ANKRD29: variants seen among roughly 807,000 people sequenced by gnomAD.
ANKRD29 encodes the protein ankyrin repeat domain-containing protein 29.
In ANKRD29, 32 loss-of-function variants were observed where a neutral mutation model predicts 38.0. The observed-to-expected ratio is 0.84, with a 90% CI of 0.64 to 1.13. The LOEUF is 1.13. Ranked by LOEUF, ANKRD29 falls within the 50% of genes most tolerant of loss-of-function variation. ANKRD29 has a pLI of 0.00. For synonymous variants in ANKRD29, 135 were observed against 152.4 expected (o/e 0.89, Z 0.84); for missense variants, 357 against 377.9 (o/e 0.94, Z 0.46).
intron 8 of ANKRD29, 53 bp from the exon 9 acceptor site, chr18:23,612,243 C>G: frequency 2.0e-6 from 3 of 1,487,602 alleles, no homozygotes; most frequent in Non-Finnish European, 2.8e-6. Context: ...CATTGGCATT[C>G]AGCATGGCTT....
intron 7 of ANKRD29, chr18:23,618,464 C>T (rs1433516560): frequency 6.6e-6 from 1 of 152,242 alleles, no homozygotes; most frequent in Admixed American, 6.5e-5. Context: ...GCCTGTAGTC[C>T]CAGCTACTCG....
At chr18:23,617,887 C>T in intron 7 of ANKRD29, 60 bp from the exon 8 acceptor site, 1 of 1,436,154 alleles carries the variant, frequency 7.0e-7, no homozygotes, top group South Asian at 1.2e-5. Context: ...TGCTTGAAAG[C>T]AGTCAGTTGG....
chr18:23,634,188 C>G, intron 4 of ANKRD29, 39 bp from the exon 5 acceptor site: 1 of 1,544,132 alleles, frequency 6.5e-7, no homozygotes, highest in South Asian at 1.1e-5. Flanking sequence ...AGAGGTGGCG[C>G]AGGCACATAA....
At chr18:23,656,069 G>A (rs1437155473) in intron 1 of ANKRD29, among the ~76,000 whole-genome samples, 1 of 149,176 alleles carries the variant, frequency 6.7e-6, no homozygotes, top group Non-Finnish European at 1.5e-5. Context: ...CTCCAGCCTG[G>A]GCGACAGAGC....
chr18:23,655,709 C>T (rs1035304962), intron 1 of ANKRD29, among the ~76,000 whole-genome samples: 2 of 151,896 alleles, frequency 1.3e-5, no homozygotes, highest in Admixed American at 6.5e-5. Flanking sequence ...CCCGCCTCAG[C>T]CTCCCAAAGT....
chr18:23,647,173 T>C (rs2060150339), intron 2 of ANKRD29: 1 of 152,218 alleles, frequency 6.6e-6, no homozygotes, highest in African/African-American at 2.4e-5. Flanking sequence ...GAAGGCAGTA[T>C]TGCTGAGTAG....
intron 1 of ANKRD29, among the ~76,000 whole-genome samples, chr18:23,656,389 T>C (rs184619968): frequency 3.3e-3 from 508 of 152,274 alleles, no homozygotes; most frequent in Non-Finnish European, 5.7e-3. Flanking sequence ...AGGGCCTTTT[T>C]ACACGTAGGC....
chr18:23,636,239 G>C (rs1476406425), intron 4 of ANKRD29, among the ~76,000 whole-genome samples: 1 of 151,750 alleles, frequency 6.6e-6, no homozygotes, highest in African/African-American at 2.4e-5. Flanking sequence ...GGGCTCAAGC[G>C]ATCTTCCTGC....
intron 1 of ANKRD29, among the ~76,000 whole-genome samples, chr18:23,654,202 G>T (rs371791121): frequency 5.3e-5 from 8 of 151,798 alleles, no homozygotes; most frequent in Admixed American, 1.3e-4. Context: ...GGAGGCGGAG[G>T]TTGCAGTGAG....
intron 3 of ANKRD29, among the ~76,000 whole-genome samples, chr18:23,640,330 A>T (rs2060057994): frequency 6.6e-6 from 1 of 152,194 alleles, no homozygotes; most frequent in Non-Finnish European, 1.5e-5. Flanking sequence ...TAAATTCCTG[A>T]TGTTCGAAGC....
chr18:23,653,484 C>T (rs1372988159), intron 1 of ANKRD29, among the ~76,000 whole-genome samples: 4 of 152,158 alleles, frequency 2.6e-5, no homozygotes, highest in African/African-American at 7.2e-5. Context: ...CTCCTGACCT[C>T]GTGATCCGCC....
intron 9 of ANKRD29, among the ~76,000 whole-genome samples, chr18:23,605,842 T>A (rs1389162041): frequency 6.6e-6 from 1 of 152,124 alleles, no homozygotes; most frequent in African/African-American, 2.4e-5. Context: ...CACAAAATTT[T>A]AAAAAGATGT....
intron 9 of ANKRD29, among the ~76,000 whole-genome samples, chr18:23,606,856 T>C (rs533770630): frequency 1.3e-5 from 2 of 152,214 alleles, no homozygotes; most frequent in Admixed American, 1.3e-4. Context: ...AGAGACTCTG[T>C]CTCTAAAAAG....
At chr18:23,636,298 C>A (rs1286587217) in intron 4 of ANKRD29, among the ~76,000 whole-genome samples, 1 of 151,962 alleles carries the variant, frequency 6.6e-6, no homozygotes, top group African/African-American at 2.4e-5. Context: ...ACTGTGCCAG[C>A]TTTTAAAATA....
chr18:23,655,485 C>T (rs939085101), intron 1 of ANKRD29, among the ~76,000 whole-genome samples: 2 of 152,012 alleles, frequency 1.3e-5, no homozygotes, highest in African/African-American at 4.8e-5. Context: ...CACTCTGTCA[C>T]CCAGGCTGGA....
At chr18:23,655,363 G>A (rs2060265534) in intron 1 of ANKRD29, among the ~76,000 whole-genome samples, 1 of 152,128 alleles carries the variant, frequency 6.6e-6, no homozygotes, top group Non-Finnish European at 1.5e-5. Flanking sequence ...ACTCTTTGTA[G>A]AATAAGATAC....
chr18:23,601,868 A>G (rs993890855), intron 9 of ANKRD29, among the ~76,000 whole-genome samples: 2 of 151,358 alleles, frequency 1.3e-5, no homozygotes, highest in Non-Finnish European at 2.9e-5. Context: ...ATGTTGCCCC[A>G]GCTGGTCTTG....
chr18:23,644,807 G>A (rs1156546621), intron 3 of ANKRD29, among the ~76,000 whole-genome samples: 2 of 152,202 alleles, frequency 1.3e-5, no homozygotes, highest in African/African-American at 2.4e-5. Flanking sequence ...GGGCTTAAAC[G>A]AGCCTCTAGC....
At chr18:23,616,436 G>C (rs2059718752) in intron 8 of ANKRD29, among the ~76,000 whole-genome samples, 1 of 148,970 alleles carries the variant, frequency 6.7e-6, no homozygotes, top group African/African-American at 2.5e-5. Flanking sequence ...AGGATTACTT[G>C]AGCGCAAGAA....
Sources: allele counts gnomAD v4.1 joint callset (sites outside exome capture counted in the v4.1 genomes callset), GRCh38; gene constraint gnomAD v4.1.1; transcripts MANE v1.5; gene names NCBI Gene and HGNC (gene_info 2026-07-23, HGNC 2026-07-21).